The following PHACTR1 variants were observed in gnomAD, a reference collection of about 807,000 sequenced individuals.
The protein encoded by PHACTR1 is RPEL repeat containing 1.
PHACTR1 carries 16 observed loss-of-function variants against 69.2 expected under a neutral mutation model. The ratio of observed to expected loss-of-function variants is 0.23; its 90% CI spans 0.16 to 0.35. The LOEUF is 0.35. Ranked by LOEUF, PHACTR1 falls within the 10% of genes least tolerant of loss-of-function variation. The probability of loss-of-function intolerance (pLI) is 1.00; values close to 1 mark genes in which losing one functional copy is unlikely to be tolerated. For missense variants in PHACTR1, 510 were observed against 734.7 expected (o/e 0.69, Z 3.54); for synonymous variants, 312 against 284.5 (o/e 1.10, Z -0.97).
chr6:12,835,064 T>A (rs943996879), intron 4 of PHACTR1, among the ~76,000 whole-genome samples: 4 of 151,624 alleles, frequency 2.6e-5, no homozygotes, highest in Non-Finnish European at 5.9e-5. Flanking sequence ...GAGGTAAGAG[T>A]TGACCTGGAT....
intron 4 of PHACTR1, among the ~76,000 whole-genome samples, chr6:12,873,697 A>G (rs1426760833): frequency 6.6e-6 from 1 of 152,198 alleles, no homozygotes; most frequent in Non-Finnish European, 1.5e-5. Flanking sequence ...GCCTGGAGTC[A>G]AGGGAAGAGG....
chr6:13,171,428 GT>G (rs140305126), intron 6 of PHACTR1, among the ~76,000 whole-genome samples: 156 of 152,326 alleles, frequency 1.0e-3, no homozygotes, highest in African/African-American at 3.6e-3. Context: ...TAACCTCTCT[GT>G]TCCAGAAATG....
intron 4 of PHACTR1, among the ~76,000 whole-genome samples, chr6:12,992,269 A>G (rs1483087444): frequency 6.6e-6 from 1 of 152,240 alleles, no homozygotes; most frequent in East Asian, 1.9e-4. Flanking sequence ...AAAATTGAAA[A>G]TCTAGAAAGA....
At chr6:12,868,326 A>AT (rs1781676655) in intron 4 of PHACTR1, among the ~76,000 whole-genome samples, 1 of 151,520 alleles carries the variant, frequency 6.6e-6, no homozygotes, top group African/African-American at 2.4e-5. Context: ...ACCCTACCAT[A>AT]TTTCTGAAGT....
intron 4 of PHACTR1, among the ~76,000 whole-genome samples, chr6:13,007,187 C>A (rs1345442832): frequency 2.0e-5 from 3 of 152,162 alleles, no homozygotes; most frequent in Admixed American, 2.0e-4. Flanking sequence ...GACTTCCCAG[C>A]TGCTTTATTT....
intron 6 of PHACTR1, among the ~76,000 whole-genome samples, chr6:13,169,243 C>T (rs1041701681): frequency 6.6e-5 from 10 of 152,038 alleles, no homozygotes; most frequent in Non-Finnish European, 7.4e-5. Flanking sequence ...GCTGGGATCC[C>T]GAGAGAAGTG....
intron 5 of PHACTR1, among the ~76,000 whole-genome samples, chr6:13,070,992 A>G (rs1000924245): frequency 1.8e-4 from 1 of 5,708 alleles, no homozygotes; most frequent in Non-Finnish European, 3.2e-4. Context: ...CTTAATAATT[A>G]AAAAAAAAAA....
At chr6:13,280,332 G>A (rs1215493762) in intron 12 of PHACTR1, 2 of 152,500 alleles carry the variant, frequency 1.3e-5, no homozygotes, top group African/African-American at 4.8e-5. Flanking sequence ...GACTGGCTGG[G>A]GGGGTTAGAA....
chr6:13,244,822 G>A lies in PHACTR1; in HGVS notation c.1391+14629G>A, dbSNP rs544614780. Among the ~76,000 whole-genome samples the A allele has an allele frequency of 4.9e-4, 75 of 152,238 alleles. 1 individual carries two copies. The South Asian group carries it at 0.015, about 30-fold the overall frequency. On this transcript the variant is annotated intron_variant, in intron 10 of 14. Coordinates refer to ENST00000332995, the MANE Select transcript of PHACTR1 (RefSeq NM_030948.6). ...TGCAATTATCACATAGTCCTGAGGC[G>A]ACATACATCCTCCTCAGCTGACAGG... is the stretch of plus-strand genomic sequence containing the variant.
At chr6:13,210,907 ATTTCTTT>A (rs1766715666) in intron 8 of PHACTR1, among the ~76,000 whole-genome samples, 1 of 79,318 alleles carries the variant, frequency 1.3e-5, no homozygotes. Context: ...ATGGTTTATC[ATTTCTTT>A]TTTTTTTTTT....
chr6:12,727,125 C>A (rs185823465), intron 3 of PHACTR1, among the ~76,000 whole-genome samples: 1 of 152,312 alleles, frequency 6.6e-6, no homozygotes, highest in Admixed American at 6.5e-5. Flanking sequence ...AACTACCTAC[C>A]ATGCCTACCC....
At chr6:13,185,390 T>A (rs1762707804) in intron 7 of PHACTR1, among the ~76,000 whole-genome samples, 1 of 152,080 alleles carries the variant, frequency 6.6e-6, no homozygotes, top group South Asian at 2.1e-4. Context: ...AAATTTTTTG[T>A]CTTTAAGTTA....
At chr6:12,922,690 G>T (rs965590652) in intron 4 of PHACTR1, among the ~76,000 whole-genome samples, 1 of 152,118 alleles carries the variant, frequency 6.6e-6, no homozygotes, top group Non-Finnish European at 1.5e-5. Context: ...TGCATTCCTA[G>T]TCAGTGGGTG....
In PHACTR1 at chr6:13,283,595, C is replaced by A. The variant is rs544520462; in HGVS notation, c.1650+33C>A. ...GAGGGGAGTGCTGGAGAGTGGGAGG[C>A]AGGACCGTCTGCTGGGTCTCGCTGG... is the stretch of plus-strand genomic sequence containing the variant. On this transcript the variant is annotated intron_variant, in intron 13 of 14. Coordinates refer to ENST00000332995, the MANE Select transcript of PHACTR1 (RefSeq NM_030948.6). This position sits in a 1 kb window ranked among gnomAD's most constrained non-coding sequence, Gnocchi z 4.7. 1.2e-6 allele frequency: 2 copies of A among 1,613,440 alleles called. No homozygotes were observed.
At chr6:12,912,902 T>C (rs561283547) in intron 4 of PHACTR1, among the ~76,000 whole-genome samples, 1 of 152,270 alleles carries the variant, frequency 6.6e-6, no homozygotes, top group East Asian at 1.9e-4. Flanking sequence ...TGCAGTGAGC[T>C]GAGATTATGC....
chr6:13,066,041 G>A (rs1386691909), intron 5 of PHACTR1, among the ~76,000 whole-genome samples: 1 of 151,894 alleles, frequency 6.6e-6, no homozygotes, highest in Admixed American at 6.6e-5. Context: ...CCATCTAGTG[G>A]TTAGAAAGCA....
chr6:12,772,183 G>A (rs569621534), intron 4 of PHACTR1, among the ~76,000 whole-genome samples: 248 of 152,316 alleles, frequency 1.6e-3, no homozygotes, highest in African/African-American at 5.5e-3. Context: ...TCACAGAGGT[G>A]TGGCTAATCT....
At chr6:13,068,752 C>T (rs1419170759) in intron 5 of PHACTR1, among the ~76,000 whole-genome samples, 1 of 152,140 alleles carries the variant, frequency 6.6e-6, no homozygotes, top group Non-Finnish European at 1.5e-5. Context: ...GTGCTTTATC[C>T]TGTTTCTCCT....
chr6:12,750,480 G>A (rs1766466656), intron 4 of PHACTR1, among the ~76,000 whole-genome samples: 1 of 150,944 alleles, frequency 6.6e-6, no homozygotes, highest in Non-Finnish European at 1.5e-5. Flanking sequence ...ACGAGGGAAG[G>A]CAGTGGGGCG....
Sources: allele counts gnomAD v4.1 joint callset (sites outside exome capture counted in the v4.1 genomes callset), GRCh38; gene constraint gnomAD v4.1.1; non-coding constraint Gnocchi (gnomAD v3.1); transcripts MANE v1.5; gene names NCBI Gene and HGNC (gene_info 2026-07-23, HGNC 2026-07-21).